The following ZMIZ1 variants were observed in gnomAD, a reference collection of about 807,000 sequenced individuals.
ZMIZ1 encodes the protein zinc finger MIZ-type containing 1.
A neutral mutation model predicts 113.9 loss-of-function variants in ZMIZ1; 17 were observed. The ratio of observed to expected loss-of-function variants is 0.15; its 90% CI spans 0.10 to 0.22. ZMIZ1 has a LOEUF of 0.22. ZMIZ1 is among the 10% of genes least tolerant of loss of function. The pLI is 1.00. For synonymous variants in ZMIZ1, 607 were observed against 603.1 expected, an observed-to-expected ratio of 1.01 and a Z score of -0.09; for missense variants, 1,059 against 1,477.8, an observed-to-expected ratio of 0.72 and a Z score of 4.65.
At chr10:79,176,429 C>T (rs1052883887) in intron 4 of ZMIZ1, among the ~76,000 whole-genome samples, 1 of 152,030 alleles carries the variant, frequency 6.6e-6, no homozygotes, top group South Asian at 2.1e-4. Context: ...CTTAGAGCTC[C>T]GAGGTCTTCC....
Position 79,259,770 on chromosome 10 carries a change from G to A in ZMIZ1, c.281-17411G>A, listed in dbSNP as rs762959335. 6.6e-5 allele frequency among the ~76,000 whole-genome samples: 10 copies of A among 152,058 alleles called. No homozygotes were observed. In the South Asian group the frequency reaches 1.3e-3, roughly 19 times the overall value. ...AGCTGGGATTACAGGCTCACACCACGCCCTGCTAATTTTGTATTTTTAGTA... is the reference window on the plus strand; with the variant it reads ...AGCTGGGATTACAGGCTCACACCACACCCTGCTAATTTTGTATTTTTAGTA... On this transcript the variant is annotated intron_variant, in intron 7 of 24. Coordinates refer to ENST00000334512, the MANE Select transcript of ZMIZ1 (RefSeq NM_020338.4).
At chr10:79,197,595 TACACACACACACACATACACACAC>T (rs1157021659) in intron 4 of ZMIZ1, among the ~76,000 whole-genome samples, 2 of 136,758 alleles carry the variant, frequency 1.5e-5, no homozygotes. Flanking sequence ...ACCCAGACCA[TACACACACACACACATACACACAC>T]ACACACACAC....
At chr10:79,224,061 C>T (rs1004178625) in intron 7 of ZMIZ1, among the ~76,000 whole-genome samples, 7 of 152,138 alleles carry the variant, frequency 4.6e-5, no homozygotes, top group Admixed American at 3.3e-4. Flanking sequence ...GCCATTAAAA[C>T]GAGGTCTCCA....
chr10:79,133,973 A>G (rs546785792), intron 2 of ZMIZ1, among the ~76,000 whole-genome samples: 3 of 152,298 alleles, frequency 2.0e-5, no homozygotes, highest in Admixed American at 2.0e-4. Flanking sequence ...TTACATAAAT[A>G]CTATATTTGT....
chr10:79,203,191 C>T (rs1848173328), intron 5 of ZMIZ1, among the ~76,000 whole-genome samples: 1 of 152,188 alleles, frequency 6.6e-6, no homozygotes, highest in Admixed American at 6.5e-5. Flanking sequence ...GGCCAGGACC[C>T]AGACGGAGCC....
In ZMIZ1 at chr10:79,284,753, A is replaced by G. The variant is rs1381743731; in HGVS notation, c.426-5022A>G. 3.3e-5 allele frequency among the ~76,000 whole-genome samples: 5 copies of G among 152,220 alleles called. No homozygotes were observed. In the East Asian group the frequency reaches 7.7e-4, roughly 23 times the overall value. Reference sequence around the variant, plus strand: ...GTGGCAGAGCCAGGGTTTGACCCGGAAGACTGTAACTCCAGAGCCCACATA... The same window carrying G: ...GTGGCAGAGCCAGGGTTTGACCCGGGAGACTGTAACTCCAGAGCCCACATA... On this transcript the variant is annotated intron_variant, in intron 8 of 24. Coordinates refer to ENST00000334512, the MANE Select transcript of ZMIZ1 (RefSeq NM_020338.4).
chr10:79,137,721 G>T (rs1845065315), intron 2 of ZMIZ1, among the ~76,000 whole-genome samples: 2 of 152,158 alleles, frequency 1.3e-5, no homozygotes, highest in Non-Finnish European at 2.9e-5. Context: ...GGTGAGCAGG[G>T]GAAGGCTGTA....
chr10:79,120,113 G>A (rs1434464263), intron 2 of ZMIZ1, among the ~76,000 whole-genome samples: 1 of 152,210 alleles, frequency 6.6e-6, no homozygotes, highest in Non-Finnish European at 1.5e-5. Context: ...AAGCATAGAT[G>A]GAGCAGAACC....
chr10:79,215,455 C>T (rs554180062), intron 6 of ZMIZ1, among the ~76,000 whole-genome samples: 10 of 152,208 alleles, frequency 6.6e-5, no homozygotes, highest in African/African-American at 2.4e-4. Context: ...GCCTGCCACA[C>T]ACTCGGCTAA....
rs1003887688 is a variant in ZMIZ1 at position 79,232,903 on chromosome 10, G to A, written c.280+16629G>A. On this transcript the variant is annotated intron_variant, in intron 7 of 24. Transcript: ENST00000334512. ...GGGAACAGCACCACCTGCCCCCTGG[G>A]GTTCCAAGCATCCAAGGGGCTAAGT... 4.6e-5 allele frequency among the ~76,000 whole-genome samples: 7 copies of A among 152,250 alleles called. No individual in the cohort carries two copies. The East Asian group carries it at 9.7e-4, about 21-fold the overall frequency.
chr10:79,072,308 C>T (rs1359622128), intron 1 of ZMIZ1, among the ~76,000 whole-genome samples: 1 of 152,216 alleles, frequency 6.6e-6, no homozygotes, highest in Non-Finnish European at 1.5e-5. Flanking sequence ...ACAATAACAA[C>T]GATGTCTCCA....
At chr10:79,194,263 C>G (rs1847740020) in intron 4 of ZMIZ1, among the ~76,000 whole-genome samples, 1 of 152,270 alleles carries the variant, frequency 6.6e-6, no homozygotes, top group South Asian at 2.1e-4. Flanking sequence ...TGTTGGCATC[C>G]AGCATGTGCA....
At chr10:79,133,031 A>G (rs1844838896) in intron 2 of ZMIZ1, among the ~76,000 whole-genome samples, 1 of 152,148 alleles carries the variant, frequency 6.6e-6, no homozygotes, top group South Asian at 2.1e-4. Context: ...GTCGGTGGAA[A>G]GAGGCTGTCC....
chr10:79,263,303 T>C (rs149728525), intron 7 of ZMIZ1, among the ~76,000 whole-genome samples: 1 of 152,338 alleles, frequency 6.6e-6, no homozygotes, highest in Non-Finnish European at 1.5e-5. Flanking sequence ...TCTGAGTTTC[T>C]TGCATCAGGA....
chr10:79,258,094 T>A (rs1158112552), intron 7 of ZMIZ1, among the ~76,000 whole-genome samples: 2 of 152,076 alleles, frequency 1.3e-5, no homozygotes, highest in Non-Finnish European at 2.9e-5. Flanking sequence ...GAAATGAAGT[T>A]AAATGGGCCG....
chr10:79,093,165 C>CAT (rs1435809296), intron 1 of ZMIZ1, among the ~76,000 whole-genome samples: 3 of 143,552 alleles, frequency 2.1e-5, no homozygotes, highest in Non-Finnish European at 4.6e-5. Flanking sequence ...CACACACACA[C>CAT]ACACACACAC....
intron 3 of ZMIZ1, among the ~76,000 whole-genome samples, chr10:79,143,966 C>T (rs1205012811): frequency 6.6e-6 from 1 of 152,156 alleles, no homozygotes; most frequent in African/African-American, 2.4e-5. Flanking sequence ...CCTCCTCTCC[C>T]TCGGGAAAGT....
chr10:79,305,271 C>T (rs548585235), intron 20 of ZMIZ1, 40 bp downstream of exon 20: 47 of 1,608,392 alleles, frequency 2.9e-5, no homozygotes, highest in Admixed American at 5.0e-5. Flanking sequence ...CCCCCATCCC[C>T]CAACCACAGA....
intron 24 of ZMIZ1, 119 bp downstream of exon 24, chr10:79,311,303 G>GTT: frequency 1.2e-6 from 1 of 864,820 alleles, no homozygotes; most frequent in Non-Finnish European, 1.7e-6. Context: ...GTGGGCGGTG[G>GTT]GAGGGCTTCA....
Sources: allele counts gnomAD v4.1 joint callset (sites outside exome capture counted in the v4.1 genomes callset), GRCh38; gene constraint gnomAD v4.1.1; transcripts MANE v1.5; gene names NCBI Gene and HGNC (gene_info 2026-07-23, HGNC 2026-07-21).